Variants in TENM3 observed in about 807,000 individuals in gnomAD.
TENM3 encodes the protein teneurin transmembrane protein 3.
In TENM3, 63 loss-of-function variants were observed where a neutral mutation model predicts 255.1. That is an observed-to-expected ratio of 0.25 (90% confidence interval 0.20 to 0.30). The LOEUF (loss-of-function observed/expected upper bound fraction) is 0.30. Ranked by LOEUF, TENM3 falls within the 10% of genes least tolerant of loss-of-function variation. The pLI, the probability that TENM3 is intolerant of heterozygous loss-of-function variation, is 1.00. For synonymous variants in TENM3, 1,306 were observed against 1,322.3 expected (o/e 0.99, Z 0.27); for missense variants, 2,929 against 3,461.1 (o/e 0.85, Z 3.86).
At chr4:182,399,951 T>C (rs1177340124) in intron 3 of TENM3, among the ~76,000 whole-genome samples, 1 of 152,206 alleles carries the variant, frequency 6.6e-6, no homozygotes, top group Non-Finnish European at 1.5e-5. Flanking sequence ...CCTTCTTTGC[T>C]ATTTTAAAAA....
At chr4:182,704,237 A>G (rs1165974668) in intron 12 of TENM3, among the ~76,000 whole-genome samples, 1 of 152,240 alleles carries the variant, frequency 6.6e-6, no homozygotes, top group Non-Finnish European at 1.5e-5. Flanking sequence ...ATCATCCCAC[A>G]TGCAAAGGCT....
the TENM3 span, among the ~76,000 whole-genome samples, chr4:181,974,177 A>G: frequency 1.3e-5 from 2 of 152,192 alleles, no homozygotes; most frequent in African/African-American, 4.8e-5. Context: ...GGGTAGGAGC[A>G]TAATCTTGGC....
the TENM3 span, among the ~76,000 whole-genome samples, chr4:181,511,645 T>C: frequency 7.2e-5 from 11 of 152,170 alleles, no homozygotes; most frequent in Admixed American, 1.3e-4. Flanking sequence ...TTCATTTATT[T>C]ATTTACATGC....
chr4:181,979,095 GACATATATATATATAT>G, the TENM3 span, among the ~76,000 whole-genome samples: 13 of 72,176 alleles, frequency 1.8e-4, no homozygotes, highest in African/African-American at 7.2e-4. Flanking sequence ...CATTAAGCCT[GACATATATATATATAT>G]ATATATATAT....
At chr4:182,722,077 C>G (rs945716396) in intron 13 of TENM3, among the ~76,000 whole-genome samples, 3 of 152,090 alleles carry the variant, frequency 2.0e-5, no homozygotes, top group Non-Finnish European at 4.4e-5. Flanking sequence ...TGAGGTTTAT[C>G]TTTTTAGTCG....
At chr4:181,796,046 A>G in the TENM3 span, among the ~76,000 whole-genome samples, 1 of 152,202 alleles carries the variant, frequency 6.6e-6, no homozygotes, top group Non-Finnish European at 1.5e-5. Context: ...TTGATTGGAT[A>G]TGGGCTACAG....
At chr4:182,259,211 C>A (rs574741965) in intron 1 of TENM3, among the ~76,000 whole-genome samples, 9 of 152,296 alleles carry the variant, frequency 5.9e-5, no homozygotes, top group Admixed American at 2.0e-4. Flanking sequence ...GCAGATCTGA[C>A]TGTGTTACTT....
chr4:181,463,033 T>A, the TENM3 span, among the ~76,000 whole-genome samples: 1 of 151,978 alleles, frequency 6.6e-6, no homozygotes, highest in African/African-American at 2.4e-5. Context: ...TAGCTCATCT[T>A]GGTATTCAAG....
chr4:181,702,436 A>C, the TENM3 span, among the ~76,000 whole-genome samples: 1 of 152,228 alleles, frequency 6.6e-6, no homozygotes, highest in Non-Finnish European at 1.5e-5. Flanking sequence ...CACTTCTCAA[A>C]GTTTTCTCAA....
At chr4:181,572,940 T>C in the TENM3 span, among the ~76,000 whole-genome samples, 2 of 152,124 alleles carry the variant, frequency 1.3e-5, no homozygotes, top group Non-Finnish European at 2.9e-5. Flanking sequence ...TCTATCCCCA[T>C]GAGTTCAATG....
chr4:182,774,557 C>T (rs1312983902), intron 23 of TENM3, among the ~76,000 whole-genome samples: 1 of 152,122 alleles, frequency 6.6e-6, no homozygotes, highest in Non-Finnish European at 1.5e-5. Context: ...CTTCCAAGAC[C>T]TTGGAGGTGT....
At chr4:182,002,336 AAG>A in the TENM3 span, among the ~76,000 whole-genome samples, 1 of 151,876 alleles carries the variant, frequency 6.6e-6, no homozygotes, top group Non-Finnish European at 1.5e-5. Context: ...GAGAGAGAGA[AAG>A]AGCTTCTCCC....
At chr4:181,557,308 C>A in the TENM3 span, among the ~76,000 whole-genome samples, 1 of 152,208 alleles carries the variant, frequency 6.6e-6, no homozygotes, top group Non-Finnish European at 1.5e-5. Context: ...ATATTTTTAA[C>A]CCTTGCATAG....
chr4:181,548,513 T>C, the TENM3 span, among the ~76,000 whole-genome samples: 1,959 of 152,308 alleles, frequency 0.013, 39 homozygotes, highest in African/African-American at 0.043. Flanking sequence ...TTTTAACATT[T>C]CTTTCGGTTT....
the TENM3 span, among the ~76,000 whole-genome samples, chr4:181,740,750 G>A: frequency 6.6e-6 from 1 of 151,582 alleles, no homozygotes; most frequent in Non-Finnish European, 1.5e-5. Context: ...AAAATATCTA[G>A]GGGGGACCAC....
the TENM3 span, among the ~76,000 whole-genome samples, chr4:182,116,838 T>G: frequency 6.6e-6 from 1 of 152,338 alleles, no homozygotes; most frequent in East Asian, 1.9e-4. Flanking sequence ...TTGCAAGTTT[T>G]GGAGAGTGTG....
the TENM3 span, among the ~76,000 whole-genome samples, chr4:181,846,598 CA>C: frequency 6.6e-6 from 1 of 152,124 alleles, no homozygotes; most frequent in Non-Finnish European, 1.5e-5. Flanking sequence ...TATTAAGAGA[CA>C]AGACAATTTT....
At chr4:182,182,221 G>T (rs556815703) in intron 1 of TENM3, among the ~76,000 whole-genome samples, 1 of 152,022 alleles carries the variant, frequency 6.6e-6, no homozygotes, top group Non-Finnish European at 1.5e-5. Flanking sequence ...AGGGCAGCCC[G>T]TTTTTTCAAG....
chr4:181,978,993 T>C, the TENM3 span, among the ~76,000 whole-genome samples: 3 of 148,310 alleles, frequency 2.0e-5, no homozygotes, highest in African/African-American at 4.9e-5. Context: ...AAAAAAAAGA[T>C]AGTTATCTGT....
Sources: allele counts gnomAD v4.1 joint callset (sites outside exome capture counted in the v4.1 genomes callset), GRCh38; gene constraint gnomAD v4.1.1; transcripts MANE v1.5; gene names NCBI Gene and HGNC (gene_info 2026-07-23, HGNC 2026-07-21).